Variants in DNAJA3 observed in about 807,000 individuals in gnomAD.
The protein encoded by DNAJA3 is DnaJ heat shock protein family (Hsp40) member A3.
Under a neutral mutation model 54.9 loss-of-function variants are expected in DNAJA3, and 29 were observed. The ratio of observed to expected loss-of-function variants is 0.53; its 90% CI spans 0.39 to 0.72. The LOEUF (loss-of-function observed/expected upper bound fraction) is 0.72. Among genes scored for constraint, DNAJA3 ranks in the 30% least tolerant of loss-of-function variants. DNAJA3 has a pLI of 0.00. For synonymous variants in DNAJA3, 302 were observed against 251.4 expected (o/e 1.20, Z -1.90); for missense variants, 708 against 639.4 (o/e 1.11, Z -1.16).
chr16:4,442,436 A>C lies in DNAJA3; in HGVS notation c.783+16A>C. The C allele has an allele frequency of 5.7e-6, 9 of 1,573,480 alleles. No individual in the cohort carries two copies. The highest frequency in any genetic ancestry group is 7.8e-6 in the Non-Finnish European group (9 of 1,157,088). On this transcript the variant is annotated intron_variant, in intron 5 of 11. Transcript: ENST00000262375. ...CTCCGGCATGGTAAGGCTCTGCCCG[A>C]GACTCCACCTCCCACGGCTTGCACC...
rs1296832463 is a variant in DNAJA3, at chr16:4,437,500, G to C, written c.429+15G>C. The C allele has an allele frequency of 2.5e-6, 4 of 1,607,476 alleles. No individual in the cohort carries two copies. Among genetic ancestry groups the C allele is most frequent in the Non-Finnish European group, 3.4e-6 (4 of 1,174,202 alleles). ...AAGCCTATGAGGTAATATGACTTCG[G>C]TGCATGCGGTCACTGCTGTTCAGCT... On this transcript the variant is annotated intron_variant, in intron 3 of 11. Transcript: ENST00000262375.
At chr16:4,437,983 AAAC>A in intron 3 of DNAJA3, among the ~76,000 whole-genome samples, 2 of 151,950 alleles carry the variant, frequency 1.3e-5, no homozygotes, top group South Asian at 4.2e-4. Context: ...AAAAAAAACA[AAAC>A]AACAACATTC....
At chr16:4,434,983 G>C (rs1219580782) in intron 2 of DNAJA3, among the ~76,000 whole-genome samples, 2 of 139,940 alleles carry the variant, frequency 1.4e-5, no homozygotes, top group African/African-American at 2.8e-5. Flanking sequence ...TGCAACCTCT[G>C]CCTCCTGGGT....
rs1048719803 is a variant in DNAJA3 at position 4,442,902 on chromosome 16, C to G, written c.784-115C>G. 4.2e-6 allele frequency: 5 copies of G among 1,191,706 alleles called. No individual in the cohort carries two copies. The African/African-American group carries it at 7.6e-5, about 18-fold the overall frequency. The allele number at this position is 1,191,706 out of a possible 1,614,324, so 73.8% of individuals were successfully genotyped here. On this transcript the variant is annotated intron_variant, in intron 5 of 11. Transcript: ENST00000262375. ...TTCCTAGGCAGTGTGTTTGAGTGCA[C>G]ATGCACATAAAAAACAAGCCTTAAA... is the stretch of plus-strand genomic sequence containing the variant.
intron 6 of DNAJA3, among the ~76,000 whole-genome samples, chr16:4,443,566 G>A (rs2056864639): frequency 6.6e-6 from 1 of 151,964 alleles, no homozygotes; most frequent in South Asian, 2.1e-4. Flanking sequence ...CTCACTCCAT[G>A]TCTACTGTTC....
chr16:4,437,586 G>A (rs531467758), intron 3 of DNAJA3, 101 bp downstream of exon 3: 35 of 903,304 alleles, frequency 3.9e-5, no homozygotes, highest in Non-Finnish European at 5.8e-5. Context: ...ATACAGTCCA[G>A]TGTGAAGGCC....
intron 6 of DNAJA3, 23 bp from the exon 7 acceptor site, chr16:4,444,641 T>C: frequency 6.2e-7 from 1 of 1,612,402 alleles, no homozygotes; most frequent in Non-Finnish European, 8.5e-7. Flanking sequence ...GCCTAACTTC[T>C]CCCTTTCTAA....
At chr16:4,428,145 G>A (rs994674705) in intron 1 of DNAJA3, among the ~76,000 whole-genome samples, 32 of 151,974 alleles carry the variant, frequency 2.1e-4, no homozygotes, top group African/African-American at 7.3e-4. Context: ...TAGAGACAGG[G>A]TTTCACCGTG....
chr16:4,425,891 C>A lies in DNAJA3; in HGVS notation c.10C>A (p.Arg4=). MAA[R]CSTRWLLVVV... ...GAGTCCCCGGGCCAAGATGGCTGCG[C>A]GGTGCTCCACACGCTGGTTGCTGGT... Residue 4 remains arginine, a synonymous_variant, in exon 1 of 12, where the codon CGG becomes AGG. Coordinates refer to ENST00000262375, the MANE Select transcript of DNAJA3 (RefSeq NM_005147.6). The A allele has an allele frequency of 3.9e-6, 6 of 1,536,194 alleles. No homozygotes were observed. Among genetic ancestry groups the A allele is most frequent in the Non-Finnish European group, 4.4e-6 (5 of 1,143,268 alleles).
chr16:4,448,893 T>C, intron 9 of DNAJA3, 45 bp downstream of exon 9: 2 of 1,454,598 alleles, frequency 1.4e-6, no homozygotes, highest in Non-Finnish European at 1.9e-6. Context: ...GGTCCTGCGG[T>C]GGCACTGCCC....
intron 1 of DNAJA3, 57 bp downstream of exon 1, chr16:4,426,149 C>A: frequency 6.9e-7 from 1 of 1,455,702 alleles, no homozygotes; most frequent in East Asian, 2.8e-5. Context: ...AAGAGTGAGT[C>A]TCCTCGCTGT....
rs779591735 is a variant in DNAJA3, at chr16:4,448,768, G to T, written c.1161G>T (p.Arg387=). 1.2e-6 allele frequency: 2 copies of T among 1,614,020 alleles called. No individual in the cohort carries two copies. The highest frequency in any genetic ancestry group is 2.2e-5 in the East Asian group (1 of 44,900). The change falls in exon 9 of 12, where the codon CGG becomes CGT. Residue 387 remains arginine, a synonymous_variant. Coordinates refer to ENST00000262375, the MANE Select transcript of DNAJA3 (RefSeq NM_005147.6). Reference sequence around the variant, plus strand: ...GGACTCAGACAGACCAGAAGATTCGGATGGGTGGGAAAGGCATCCCCCGGA... The same window carrying T: ...GGACTCAGACAGACCAGAAGATTCGTATGGGTGGGAAAGGCATCCCCCGGA... The part of the protein sequence containing the change: ...PPGTQTDQKI[R]MGGKGIPRIN...
In DNAJA3 at chr16:4,443,030, C is replaced by T; in HGVS notation, c.797C>T (p.Thr266Ile). Residue 266 changes from threonine (T) to isoleucine (I), a missense_variant, in exon 6 of 12, where the codon ACA (threonine) becomes ATA (isoleucine). Transcript: ENST00000262375. ...CGGSGMETIN[T>I]GPFVMRSTCR... ...TGTTTTTATCAGGAAACCATCAACACAGGCCCTTTTGTGATGCGTTCCACG... is the reference window on the plus strand; with the variant it reads ...TGTTTTTATCAGGAAACCATCAACATAGGCCCTTTTGTGATGCGTTCCACG... 1 of 1,614,120 alleles carries T rather than the reference C, an allele frequency of 6.2e-7. No homozygotes were observed. Among genetic ancestry groups the T allele is most frequent in the Non-Finnish European group, 8.5e-7 (1 of 1,180,000 alleles).
intron 10 of DNAJA3, among the ~76,000 whole-genome samples, chr16:4,451,753 A>G (rs75030469): frequency 7.0e-4 from 65 of 93,354 alleles, no homozygotes; most frequent in African/African-American, 3.5e-3. Flanking sequence ...AGACTCTCTG[A>G]AAAAAAAAAA....
intron 10 of DNAJA3, 40 bp downstream of exon 10, chr16:4,450,537 T>C (rs2056965432): frequency 2.0e-6 from 3 of 1,492,608 alleles, no homozygotes; most frequent in Admixed American, 1.9e-5. Context: ...CGTGGGGGCC[T>C]CAGAGCCCCC....
intron 2 of DNAJA3, 97 bp from the exon 3 acceptor site, chr16:4,437,305 A>G (rs1021984805): frequency 6.0e-6 from 6 of 998,080 alleles, no homozygotes; most frequent in Non-Finnish European, 9.3e-6. Flanking sequence ...CATAATTATG[A>G]CTGGTATTTG....
chr16:4,447,695 T>G (rs1357064732), intron 8 of DNAJA3: 1 of 152,654 alleles, frequency 6.6e-6, no homozygotes, highest in Non-Finnish European at 1.5e-5. Flanking sequence ...CTTCCTGGGC[T>G]CACTTGCCCA....
chr16:4,445,660 T>C (rs1364979639), intron 7 of DNAJA3, among the ~76,000 whole-genome samples: 1 of 152,108 alleles, frequency 6.6e-6, no homozygotes, highest in Non-Finnish European at 1.5e-5. Flanking sequence ...CAGGTGATCC[T>C]CCCACCTCAG....
chr16:4,433,349 C>T (rs757939844), intron 1 of DNAJA3: 1 of 152,224 alleles, frequency 6.6e-6, no homozygotes, highest in South Asian at 2.1e-4. Context: ...TGCAGCTTAA[C>T]AGCTGATGCC....
Sources: allele counts gnomAD v4.1 joint callset (sites outside exome capture counted in the v4.1 genomes callset), GRCh38; gene constraint gnomAD v4.1.1; transcripts MANE v1.5; gene names NCBI Gene and HGNC (gene_info 2026-07-23, HGNC 2026-07-21).